CDH23: variants seen among roughly 807,000 people sequenced by gnomAD.
The protein encoded by CDH23 is cadherin-23.
A neutral mutation model predicts 317.1 loss-of-function variants in CDH23; 189 were observed. The ratio of observed to expected loss-of-function variants is 0.60; its 90% CI spans 0.53 to 0.67. The LOEUF (loss-of-function observed/expected upper bound fraction) is 0.67. Among genes scored for constraint, CDH23 ranks in the 30% least tolerant of loss-of-function variants. The pLI is 0.00. For synonymous variants in CDH23, 1,839 were observed against 1,876.8 expected, an observed-to-expected ratio of 0.98 and a Z score of 0.52; for missense variants, 4,401 against 4,592.4, an observed-to-expected ratio of 0.96 and a Z score of 1.20.
chr10:71,790,277 T>C lies in CDH23; in HGVS notation c.5924-11T>C. 6.2e-7 allele frequency: 1 copy of C among 1,613,514 alleles called. No individual in the cohort carries two copies. The highest frequency in any genetic ancestry group is 8.5e-7 in the Non-Finnish European group (1 of 1,179,758). ...GTTGGTCTTGTGGTGACCCCTCTCC[T>C]TCTGGCCCAGGCACCCCTCTCACGG... On this transcript the variant is annotated splice_polypyrimidine_tract_variant and intron_variant, in intron 45 of 69. Transcript: ENST00000224721.
intron 28 of CDH23, chr10:71,713,246 A>C (rs758166805): frequency 3.8e-6 from 3 of 779,278 alleles, no homozygotes; most frequent in Admixed American, 1.7e-5. Context: ...AGGCACAAGA[A>C]GAAAGGGCTC....
chr10:71,548,879 A>G (rs539198559), intron 6 of CDH23, among the ~76,000 whole-genome samples: 7 of 152,248 alleles, frequency 4.6e-5, no homozygotes, highest in Admixed American at 2.6e-4. Flanking sequence ...CTAGGCCTCT[A>G]TCTTGGTTCA....
chr10:71,564,040 C>T (rs1857266919), intron 6 of CDH23, among the ~76,000 whole-genome samples: 1 of 152,216 alleles, frequency 6.6e-6, no homozygotes, highest in South Asian at 2.1e-4. Flanking sequence ...AGAGGTTTAA[C>T]AGCATATGTC....
intron 14 of CDH23, among the ~76,000 whole-genome samples, chr10:71,650,005 G>T (rs1399964180): frequency 1.3e-5 from 2 of 152,188 alleles, no homozygotes; most frequent in African/African-American, 4.8e-5. Context: ...CATCCAGAAG[G>T]TTCTATGTGG....
At position 71,752,799 on chromosome 10, in the gene CDH23, C is replaced by T. The variant is rs187991087; in HGVS notation, c.4845+10878C>T. On this transcript the variant is annotated intron_variant, in intron 38 of 69. Coordinates refer to ENST00000224721, the MANE Select transcript of CDH23 (RefSeq NM_022124.6). ...AGAATCAGAGCTCAGCCTGCTGAGT[C>T]GGGGTGGCAGGAGAACAGCCAATCT... 1.7e-3 allele frequency among the ~76,000 whole-genome samples: 265 copies of T among 152,234 alleles called. 5 individuals are homozygous for T. The South Asian group carries it at 0.02, about 11-fold the overall frequency.
chr10:71,763,164 T>C (rs557441172), intron 38 of CDH23, among the ~76,000 whole-genome samples: 1 of 152,148 alleles, frequency 6.6e-6, no homozygotes, highest in Non-Finnish European at 1.5e-5. Context: ...TATGCGTTGG[T>C]GTTATTTTTA....
At chr10:71,566,714 C>T in intron 6 of CDH23, 28 bp from the exon 7 acceptor site, 1 of 1,563,502 alleles carries the variant, frequency 6.4e-7, no homozygotes, top group Non-Finnish European at 8.7e-7. Flanking sequence ...CTGGCTCACC[C>T]TTGTACTTGC....
intron 41 of CDH23, among the ~76,000 whole-genome samples, 192 bp from the exon 42 acceptor site, chr10:71,784,095 A>G (rs1176946518): frequency 1.3e-5 from 2 of 152,160 alleles, no homozygotes; most frequent in Non-Finnish European, 2.9e-5. Flanking sequence ...GTGATCCGCT[A>G]CCACCCACCT....
chr10:71,806,442 T>C (rs1278921208), intron 57 of CDH23, among the ~76,000 whole-genome samples, 161 bp downstream of exon 57: 1 of 151,728 alleles, frequency 6.6e-6, no homozygotes, highest in African/African-American at 2.4e-5. Context: ...ATTGAGCAGC[T>C]GTGTTACACT....
chr10:71,730,367 C>A (rs1331113400), intron 30 of CDH23, 102 bp from the exon 31 acceptor site: 2 of 1,455,510 alleles, frequency 1.4e-6, no homozygotes, highest in Non-Finnish European at 9.2e-7. Context: ...ACAGCAGGCC[C>A]AGGAAAGCAG....
chr10:71,475,833 C>T (rs1851767607), intron 3 of CDH23, among the ~76,000 whole-genome samples: 1 of 152,210 alleles, frequency 6.6e-6, no homozygotes, highest in African/African-American at 2.4e-5. Context: ...TGCCTGGGGT[C>T]AGAAGCCTGC....
At chr10:71,745,244 G>A (rs1839826911) in intron 38 of CDH23, among the ~76,000 whole-genome samples, 2 of 152,208 alleles carry the variant, frequency 1.3e-5, no homozygotes, top group South Asian at 4.1e-4. Flanking sequence ...AGGGCTTGGG[G>A]AAGGCTTCCT....
At position 71,807,924 on chromosome 10, in the gene CDH23, T is replaced by C. The variant is rs1254344626; in HGVS notation, c.8639T>C (p.Leu2880Pro). Reference sequence around the variant, plus strand: ...GATGCAGACATTGGCAACAACAGCCTTGTCTTCTACAGCATTCTGGCCATC... The same window carrying C: ...GATGCAGACATTGGCAACAACAGCCCTGTCTTCTACAGCATTCTGGCCATC... ...ALDADIGNNSLVFYSILAIHY... is the reference protein window; with the variant it reads ...ALDADIGNNSPVFYSILAIHY... Residue 2880 changes from leucine (L) to proline (P), a missense_variant, in exon 60 of 70, where the codon CTT becomes CCT. This residue lies in a region of CDH23 where 1,144 missense variants were observed against 1,138.2 expected (regional missense o/e 1.01). Transcript: ENST00000224721. 6.2e-7 allele frequency: 1 copy of C among 1,604,316 alleles called. No individual in the cohort carries two copies. Among genetic ancestry groups the C allele is most frequent in the Admixed American group, 1.7e-5 (1 of 58,572 alleles).
intron 11 of CDH23, among the ~76,000 whole-genome samples, chr10:71,640,520 C>A (rs1193318043): frequency 6.6e-6 from 1 of 152,196 alleles, no homozygotes. Context: ...GAGGCCGAGG[C>A]AGGCGGATCA....
intron 38 of CDH23, among the ~76,000 whole-genome samples, chr10:71,772,317 C>T (rs1840703528): frequency 6.6e-6 from 1 of 152,216 alleles, no homozygotes; most frequent in Non-Finnish European, 1.5e-5. Context: ...TTCCATCCTG[C>T]CCACTGGGTC....
intron 6 of CDH23, among the ~76,000 whole-genome samples, chr10:71,517,179 A>G (rs535937877): frequency 1.3e-5 from 2 of 152,362 alleles, no homozygotes; most frequent in South Asian, 4.1e-4. Context: ...CAGCTGGTCT[A>G]CCGAGGTGAG....
Position 71,798,358 on chromosome 10 carries a change from G to C in CDH23, c.6834G>C (p.Lys2278Asn), listed in dbSNP as rs1489360814. Residue 2278 changes from lysine to asparagine, a missense_variant, in exon 50 of 70, where the codon AAG becomes AAC. Transcript: ENST00000224721. ...PERSVSVPNA[K>N]LTVNVLDVND... ...CACTCCCTGCCTCCACCACAGCCAA[G>C]CTGACTGTCAACGTCCTGGACGTCA... The C allele has an allele frequency of 1.2e-6, 2 of 1,611,604 alleles. No homozygotes were observed. The highest frequency in any genetic ancestry group is 1.7e-6 in the Non-Finnish European group (2 of 1,177,698).
intron 3 of CDH23, among the ~76,000 whole-genome samples, chr10:71,489,020 T>G (rs956389903): frequency 2.0e-5 from 3 of 152,282 alleles, no homozygotes; most frequent in African/African-American, 7.2e-5. Flanking sequence ...TAAAATACTC[T>G]GTTTTTCTTT....
At chr10:71,438,347 CAAAAAAAA>C (rs10596696) in intron 1 of CDH23, among the ~76,000 whole-genome samples, 10 of 98,352 alleles carry the variant, frequency 1.0e-4, no homozygotes, top group Admixed American at 6.7e-4. Flanking sequence ...CTGTCTCAAA[CAAAAAAAA>C]AAAAAAAAAA....
Sources: allele counts gnomAD v4.1 joint callset (sites outside exome capture counted in the v4.1 genomes callset), GRCh38; gene constraint gnomAD v4.1.1; regional missense constraint gnomAD v4.1.1; transcripts MANE v1.5; gene names NCBI Gene and HGNC (gene_info 2026-07-23, HGNC 2026-07-21).